Variants in HNRNPF observed in about 807,000 individuals in gnomAD.
HNRNPF encodes HnRNP F protein.
Under a neutral mutation model 26.0 loss-of-function variants are expected in HNRNPF, and 2 were observed. That is an observed-to-expected ratio of 0.08 (90% confidence interval 0.03 to 0.24). The LOEUF is 0.24. Among genes scored for constraint, HNRNPF ranks in the 10% least tolerant of loss-of-function variants. The probability of loss-of-function intolerance (pLI) is 1.00; values close to 1 mark genes in which losing one functional copy is unlikely to be tolerated. For synonymous variants in HNRNPF, 234 were observed against 211.5 expected (o/e 1.11, Z -0.92); for missense variants, 299 against 539.2 (o/e 0.55, Z 4.41).
intron 1 of HNRNPF, among the ~76,000 whole-genome samples, chr10:43,405,513 G>T (rs1313665513): frequency 6.6e-6 from 1 of 152,022 alleles, no homozygotes; most frequent in South Asian, 2.1e-4. Flanking sequence ...AAAATTAGCC[G>T]GGCATGGTGG....
intron 1 of HNRNPF, among the ~76,000 whole-genome samples, chr10:43,397,637 GA>G (rs767610805): frequency 3.3e-5 from 5 of 151,888 alleles, no homozygotes; most frequent in African/African-American, 1.2e-4. Flanking sequence ...TAAAGATTTT[GA>G]AAAAAAATCT....
chr10:43,403,442 CAA>C (rs1753182489), intron 1 of HNRNPF, among the ~76,000 whole-genome samples: 1 of 152,076 alleles, frequency 6.6e-6, no homozygotes, highest in Non-Finnish European at 1.5e-5. Flanking sequence ...TTTTCATTTC[CAA>C]AAGAGTTTTA....
intron 1 of HNRNPF, among the ~76,000 whole-genome samples, chr10:43,403,105 T>C (rs1027151292): frequency 1.3e-5 from 2 of 152,192 alleles, no homozygotes; most frequent in African/African-American, 4.8e-5. Context: ...CTCGGTTCAC[T>C]GCAACCTCCA....
intron 3 of HNRNPF, among the ~76,000 whole-genome samples, chr10:43,388,363 G>A (rs1029194536): frequency 2.6e-5 from 4 of 152,154 alleles, no homozygotes; most frequent in African/African-American, 9.7e-5. Context: ...ACTTTCATGA[G>A]TAAAAATAAG....
At chr10:43,396,874 G>A (rs1397232596) in intron 1 of HNRNPF, 1 of 139,538 alleles carries the variant, frequency 7.2e-6, no homozygotes, top group Non-Finnish European at 1.6e-5. Context: ...TTCCCGGAGG[G>A]AAGGGCGCCT....
chr10:43,389,057 G>GCCT (rs1838144350), intron 3 of HNRNPF, among the ~76,000 whole-genome samples: 1 of 141,978 alleles, frequency 7.0e-6, no homozygotes, highest in Admixed American at 7.6e-5. Context: ...TGCAACCTCC[G>GCCT]CCTCCTGGGT....
intron 2 of HNRNPF, among the ~76,000 whole-genome samples, chr10:43,396,143 T>A (rs1430269222): frequency 7.9e-5 from 12 of 151,536 alleles, no homozygotes; most frequent in African/African-American, 1.2e-4. Flanking sequence ...TGGACGGGAT[T>A]AACGCTTGCC....
intron 1 of HNRNPF, chr10:43,408,772 C>G (rs1020812778): frequency 3.3e-5 from 5 of 152,276 alleles, no homozygotes; most frequent in Non-Finnish European, 5.9e-5. Flanking sequence ...TCAGGCACCC[C>G]GGTGGTCCCT....
chr10:43,403,082 C>T (rs962535958), intron 1 of HNRNPF, among the ~76,000 whole-genome samples: 1 of 152,136 alleles, frequency 6.6e-6, no homozygotes, highest in Non-Finnish European at 1.5e-5. Flanking sequence ...TGAGCTCAAA[C>T]CATCATTCCA....
intron 3 of HNRNPF, among the ~76,000 whole-genome samples, chr10:43,389,954 A>G (rs571577697): frequency 6.6e-6 from 1 of 152,342 alleles, no homozygotes; most frequent in African/African-American, 2.4e-5. Flanking sequence ...ATGATTGGGC[A>G]TAAATAATCC....
chr10:43,404,035 G>A (rs1463069749), intron 1 of HNRNPF, among the ~76,000 whole-genome samples: 4 of 149,910 alleles, frequency 2.7e-5, no homozygotes, highest in Non-Finnish European at 5.9e-5. Context: ...GGTGACTCAC[G>A]CCTGTAATCC....
rs1052820963 is a variant in HNRNPF at position 43,400,484 on chromosome 10, T to C, written c.-246-3894A>G. On this transcript the variant is annotated intron_variant, in intron 1 of 3. Coordinates refer to ENST00000682386, the MANE Select transcript of HNRNPF (RefSeq NM_001098204.2). ...AAATTCCCCATCATGGTATATAGTATGTGAGCAGATCATAGACCATATTTG... is the reference window on the plus strand; with the variant it reads ...AAATTCCCCATCATGGTATATAGTACGTGAGCAGATCATAGACCATATTTG... Among the ~76,000 whole-genome samples the C allele has an allele frequency of 3.3e-5, 5 of 152,214 alleles. No homozygotes were observed. The South Asian group carries it at 6.2e-4, about 19-fold the overall frequency.
intron 1 of HNRNPF, chr10:43,407,687 A>T (rs1838973102): frequency 6.6e-6 from 1 of 152,232 alleles, no homozygotes; most frequent in South Asian, 2.1e-4. Context: ...CGCACGAGTC[A>T]GATTTTCACC....
At chr10:43,404,533 G>T (rs1838852638) in intron 1 of HNRNPF, among the ~76,000 whole-genome samples, 1 of 152,060 alleles carries the variant, frequency 6.6e-6, no homozygotes, top group Non-Finnish European at 1.5e-5. Flanking sequence ...CCTCAAGTAA[G>T]TTTTCTTTCC....
chr10:43,399,625 G>A (rs568559944), intron 1 of HNRNPF, among the ~76,000 whole-genome samples: 1 of 152,280 alleles, frequency 6.6e-6, no homozygotes, highest in African/African-American at 2.4e-5. Flanking sequence ...GATGCTATCT[G>A]GAAAATGAAT....
rs747259755 is a variant in HNRNPF, at chr10:43,387,468, G to A, written c.417C>T (p.Asn139=). The A allele has an allele frequency of 7.4e-6, 12 of 1,614,212 alleles. No individual in the cohort carries two copies. Among genetic ancestry groups the A allele is most frequent in the African/African-American group, 2.7e-5 (2 of 75,048 alleles). Reference sequence around the variant, plus strand: ...CGGGGTCCACAGGCAATGTGATCCCGTTTGGCACAATTTCCAACCCTGAGA... The same window carrying A: ...CGGGGTCCACAGGCAATGTGATCCCATTTGGCACAATTTCCAACCCTGAGA... ...QFFSGLEIVP[N]GITLPVDPEG... is the part of the protein sequence containing the mutation. The change falls in exon 4 of 4, where the codon AAC becomes AAT. Residue 139 remains asparagine, a synonymous_variant. Coordinates refer to ENST00000682386, the MANE Select transcript of HNRNPF (RefSeq NM_001098204.2). This position sits in a 1 kb window ranked among gnomAD's most constrained non-coding sequence, Gnocchi z 6.0.
chr10:43,391,441 G>A (rs1235722986), intron 3 of HNRNPF, among the ~76,000 whole-genome samples: 1 of 151,532 alleles, frequency 6.6e-6, no homozygotes. Context: ...CCGGGTGACG[G>A]AGCGAGACTA....
intron 1 of HNRNPF, chr10:43,407,948 CAAG>C (rs1589003455): frequency 6.6e-6 from 1 of 152,206 alleles, no homozygotes; most frequent in African/African-American, 2.4e-5. Flanking sequence ...TCTTTTGAGA[CAAG>C]GTCTCATTTC....
At chr10:43,395,001 A>C (rs1241306912) in intron 2 of HNRNPF, among the ~76,000 whole-genome samples, 2 of 152,162 alleles carry the variant, frequency 1.3e-5, no homozygotes, top group African/African-American at 4.8e-5. Flanking sequence ...TTGTATTTTT[A>C]GTAGAAATGG....
Sources: allele counts gnomAD v4.1 joint callset (sites outside exome capture counted in the v4.1 genomes callset), GRCh38; gene constraint gnomAD v4.1.1; non-coding constraint Gnocchi (gnomAD v3.1); transcripts MANE v1.5; gene names NCBI Gene and HGNC (gene_info 2026-07-23, HGNC 2026-07-21).